EYS: variants seen among roughly 807,000 people sequenced by gnomAD.
EYS encodes the protein EGF-like photoreceptor maintenance factor.
A neutral mutation model predicts 282.1 loss-of-function variants in EYS; 250 were observed. That is an observed-to-expected ratio of 0.89 (90% CI 0.80 to 0.98). The LOEUF is 0.98. Among genes scored for constraint, EYS ranks in the 50% least tolerant of loss-of-function variants. EYS has a pLI of 0.00. For synonymous variants in EYS, 1,355 were observed against 1,282.9 expected (o/e 1.06, Z -1.20); for missense variants, 4,016 against 3,709.0 (o/e 1.08, Z -2.15).
At chr6:64,506,968 T>G (rs1777230232) in intron 26 of EYS, among the ~76,000 whole-genome samples, 1 of 124,502 alleles carries the variant, frequency 8.0e-6, no homozygotes, top group African/African-American at 4.2e-5. Context: ...CCCTCCAGTT[T>G]CAGTTTTTTT....
chr6:64,341,323 T>G (rs546587461), intron 29 of EYS, among the ~76,000 whole-genome samples: 1 of 151,662 alleles, frequency 6.6e-6, no homozygotes, highest in Admixed American at 6.6e-5. Flanking sequence ...ATTGGATAAA[T>G]AAAATGCTGT....
Position 65,569,648 on chromosome 6 carries a change from C to A in EYS, c.-333+70130G>T, listed in dbSNP as rs114782750. On this transcript the variant is annotated intron_variant, in intron 2 of 42. Coordinates refer to ENST00000503581, the MANE Select transcript of EYS (RefSeq NM_001142800.2). Reference sequence around the variant, plus strand: ...GCACTCAGTGGATCAGTTGCCCCCACCCAAATCAATAAACTGGCTCATCTG... The same window carrying A: ...GCACTCAGTGGATCAGTTGCCCCCAACCAAATCAATAAACTGGCTCATCTG... Among the ~76,000 whole-genome samples the A allele has an allele frequency of 2.6e-3, 393 of 152,202 alleles. 4 individuals carry two copies. Among genetic ancestry groups the A allele is most frequent in the African/African-American group, 9.3e-3 (385 of 41,552 alleles).
At chr6:65,552,860 A>C (rs1768649513) in intron 2 of EYS, among the ~76,000 whole-genome samples, 1 of 149,540 alleles carries the variant, frequency 6.7e-6, no homozygotes, top group Admixed American at 6.6e-5. Context: ...ATGAGATTCA[A>C]ATTTGTGATC....
chr6:65,594,353 T>C (rs1765333824), intron 2 of EYS, among the ~76,000 whole-genome samples: 1 of 152,048 alleles, frequency 6.6e-6, no homozygotes, highest in Non-Finnish European at 1.5e-5. Flanking sequence ...CATGGCGTTT[T>C]TCTTTTTCAT....
chr6:63,754,388 T>C (rs932067790), intron 41 of EYS, among the ~76,000 whole-genome samples: 7 of 151,886 alleles, frequency 4.6e-5, no homozygotes, highest in African/African-American at 7.2e-5. Context: ...TTCCCCACCC[T>C]ATGTCCATGT....
At chr6:64,464,431 G>A (rs980652556) in intron 26 of EYS, among the ~76,000 whole-genome samples, 2 of 152,080 alleles carry the variant, frequency 1.3e-5, no homozygotes, top group Non-Finnish European at 2.9e-5. Context: ...AATCCTGGAA[G>A]TCCAAGCCAA....
intron 10 of EYS, among the ~76,000 whole-genome samples, chr6:65,337,898 T>A (rs1369148739): frequency 6.6e-6 from 1 of 150,938 alleles, no homozygotes; most frequent in African/African-American, 2.4e-5. Context: ...AATATTAGTA[T>A]GAAATTTGGA....
In EYS at chr6:64,688,250, T is replaced by G. The variant is rs148383365; in HGVS notation, c.3444-62005A>C. 7.0e-3 allele frequency among the ~76,000 whole-genome samples: 1,069 copies of G among 152,282 alleles called. 11 individuals are homozygous for G. The highest frequency in any genetic ancestry group is 0.024 in the African/African-American group (1,004 of 41,560). On this transcript the variant is annotated intron_variant, in intron 22 of 42. Transcript: ENST00000503581. ...TCAGTTCTGCTTTGATCTTAGTTAT[T>G]TCTTTCCTTCTGCTAGCTTTTGAAT...
At chr6:64,096,331 T>A (rs1772612116) in intron 31 of EYS, among the ~76,000 whole-genome samples, 1 of 152,232 alleles carries the variant, frequency 6.6e-6, no homozygotes, top group Non-Finnish European at 1.5e-5. Context: ...TCCTGGATAA[T>A]ATACTGCAGA....
At chr6:65,704,591 C>G (rs1769807382) in intron 1 of EYS, among the ~76,000 whole-genome samples, 1 of 152,150 alleles carries the variant, frequency 6.6e-6, no homozygotes, top group African/African-American at 2.4e-5. Context: ...GACTGTTATA[C>G]ATTTATAACT....
intron 12 of EYS, among the ~76,000 whole-genome samples, chr6:65,123,329 A>C (rs1275236023): frequency 6.6e-6 from 1 of 152,302 alleles, no homozygotes; most frequent in African/African-American, 2.4e-5. Flanking sequence ...TTTTGTGTTA[A>C]ATTTATTTTT....
intron 29 of EYS, among the ~76,000 whole-genome samples, chr6:64,344,802 A>ATTT (rs1771303958): frequency 6.6e-6 from 1 of 152,120 alleles, no homozygotes; most frequent in Non-Finnish European, 1.5e-5. Flanking sequence ...AGAAAACCCC[A>ATTT]TGGTCTCAGC....
chr6:64,468,386 T>A (rs1215647625), intron 26 of EYS, among the ~76,000 whole-genome samples: 1 of 152,214 alleles, frequency 6.6e-6, no homozygotes, highest in Non-Finnish European at 1.5e-5. Context: ...TGAACACCAA[T>A]CCAAACAATT....
chr6:64,346,770 C>A (rs1055633407), intron 29 of EYS, among the ~76,000 whole-genome samples: 3 of 151,242 alleles, frequency 2.0e-5, no homozygotes, highest in Non-Finnish European at 4.4e-5. Flanking sequence ...AGTAATGATG[C>A]AGTTACTCTA....
At chr6:65,375,934 A>G (rs1765346952) in intron 8 of EYS, among the ~76,000 whole-genome samples, 1 of 152,172 alleles carries the variant, frequency 6.6e-6, no homozygotes, top group African/African-American at 2.4e-5. Flanking sequence ...GGGAGAATGG[A>G]AGCAAGTTGG....
At chr6:64,176,057 A>G (rs1014654425) in intron 31 of EYS, among the ~76,000 whole-genome samples, 1 of 152,102 alleles carries the variant, frequency 6.6e-6, no homozygotes, top group African/African-American at 2.4e-5. Flanking sequence ...GGTTGGCCTC[A>G]CTGAGAAGGT....
intron 22 of EYS, among the ~76,000 whole-genome samples, chr6:64,740,070 C>T (rs1772320415): frequency 6.6e-6 from 1 of 152,044 alleles, no homozygotes; most frequent in South Asian, 2.1e-4. Flanking sequence ...ATGGTAATTG[C>T]TAATAAAACT....
chr6:65,100,078 A>C (rs1229414277), intron 12 of EYS, among the ~76,000 whole-genome samples: 3 of 150,876 alleles, frequency 2.0e-5, no homozygotes, highest in Non-Finnish European at 1.5e-5. Context: ...AATTGTTACC[A>C]ATTAAGAACT....
intron 2 of EYS, among the ~76,000 whole-genome samples, chr6:65,630,613 A>T (rs1241538573): frequency 6.6e-6 from 1 of 152,248 alleles, no homozygotes; most frequent in Non-Finnish European, 1.5e-5. Flanking sequence ...AGAACTTCTA[A>T]ATCATATGCA....
Sources: gnomAD v4.1 joint callset for allele counts (sites outside exome capture counted in the v4.1 genomes callset) on GRCh38, gnomAD v4.1.1 for gene constraint, MANE v1.5 for transcripts, NCBI Gene and HGNC (gene_info 2026-07-23, HGNC 2026-07-21) for gene names.